HEPHL1: variants seen among roughly 807,000 people sequenced by gnomAD.
The protein encoded by HEPHL1 is hephaestin like 1, also known as ferroxidase HEPHL1.
A neutral mutation model predicts 122.0 loss-of-function variants in HEPHL1; 123 were observed. The observed-to-expected ratio is 1.01, with a 90% confidence interval of 0.87 to 1.17. The LOEUF is 1.17. HEPHL1 is among the 50% of genes most tolerant of loss of function. The pLI, the probability that HEPHL1 is intolerant of heterozygous loss-of-function variation, is 0.00. For synonymous variants in HEPHL1, 527 were observed against 508.9 expected, an observed-to-expected ratio of 1.04 and a Z score of -0.48; for missense variants, 1,452 against 1,430.5, an observed-to-expected ratio of 1.01 and a Z score of -0.24.
At chr11:94,037,429 C>CA (rs1945736396) in intron 1 of HEPHL1, among the ~76,000 whole-genome samples, 1 of 152,012 alleles carries the variant, frequency 6.6e-6, no homozygotes, top group Admixed American at 6.5e-5. Flanking sequence ...CACAGACAAA[C>CA]AAAAAGACAG....
intron 1 of HEPHL1, among the ~76,000 whole-genome samples, chr11:94,030,231 C>A (rs773544016): frequency 6.6e-6 from 1 of 152,198 alleles, no homozygotes; most frequent in Non-Finnish European, 1.5e-5. Flanking sequence ...GACCCATTGT[C>A]AGCTATAAAA....
At chr11:94,067,384 A>C in intron 4 of HEPHL1, 112 bp from the exon 5 acceptor site, 3 of 990,392 alleles carry the variant, frequency 3.0e-6, no homozygotes, top group Non-Finnish European at 4.6e-6. Flanking sequence ...AAACCTTACA[A>C]CCAATGGTCT....
chr11:94,093,971 G>GATATATATAT lies in HEPHL1; in HGVS notation c.2434+365_2434+374dup, dbSNP rs201036709. On this transcript the variant is annotated intron_variant, in intron 13 of 19. Transcript: ENST00000315765. Reference sequence around the variant, plus strand: ...AAATTTTCTTTTAAATCCTCCAGCAGATATATATATATATATATATATATA... The same window carrying GATATATATAT: ...AAATTTTCTTTTAAATCCTCCAGCAGATATATATATATATATATATATATATATATATATA... 6.3e-3 allele frequency among the ~76,000 whole-genome samples: 458 copies of GATATATATAT among 72,510 alleles called. 5 individuals are homozygous for GATATATATAT. The highest frequency in any genetic ancestry group is 9.8e-3 in the Middle Eastern group (1 of 102). The allele number at this position is 72,510 out of a possible 152,430, so 47.6% of individuals were successfully genotyped here.
chr11:94,101,071 A>T (rs1946363579), intron 13 of HEPHL1, 124 bp from the exon 14 acceptor site: 11 of 951,506 alleles, frequency 1.2e-5, no homozygotes, highest in Non-Finnish European at 1.6e-6. Flanking sequence ...AGAGTTATAT[A>T]TGCCTTTCTC....
intron 2 of HEPHL1, among the ~76,000 whole-genome samples, 174 bp downstream of exon 2, chr11:94,046,091 C>CTTTTT (rs755367459): frequency 0.042 from 2,741 of 64,784 alleles, 818 homozygotes; most frequent in African/African-American, 0.15. Flanking sequence ...CCCTTTCTTG[C>CTTTTT]TTTTTTTTTT....
chr11:94,070,921 G>T (rs1304956093), intron 6 of HEPHL1, among the ~76,000 whole-genome samples: 1 of 152,136 alleles, frequency 6.6e-6, no homozygotes, highest in African/African-American at 2.4e-5. Flanking sequence ...AGATGGAGAT[G>T]ACCTGGCCTA....
rs192076069 is a variant in HEPHL1 at position 94,046,807 on chromosome 11, T to A, written c.415+890T>A. 7.4e-3 allele frequency among the ~76,000 whole-genome samples: 1,119 copies of A among 152,242 alleles called. 9 individuals are homozygous for A. The highest frequency in any genetic ancestry group is 0.013 in the Non-Finnish European group (897 of 68,006). ...AGTATTTCTCCAACATCAAAAATAT[T>A]TTTTTTGAATCCTGTATTTCATTCT... On this transcript the variant is annotated intron_variant, in intron 2 of 19. Transcript: ENST00000315765.
intron 12 of HEPHL1, among the ~76,000 whole-genome samples, chr11:94,090,856 C>A (rs569244938): frequency 6.6e-6 from 1 of 152,284 alleles, no homozygotes; most frequent in East Asian, 1.9e-4. Context: ...AGCACAGGCC[C>A]TCTGCCCCAC....
chr11:94,064,267 G>T, intron 3 of HEPHL1, 64 bp from the exon 4 acceptor site: 1 of 1,293,274 alleles, frequency 7.7e-7, no homozygotes, highest in Non-Finnish European at 1.1e-6. Context: ...TGACACTATT[G>T]GAAGGAAGCA....
intron 1 of HEPHL1, among the ~76,000 whole-genome samples, chr11:94,025,923 T>C (rs966822380): frequency 6.6e-6 from 1 of 152,222 alleles, no homozygotes; most frequent in African/African-American, 2.4e-5. Flanking sequence ...ACTGCTGTTC[T>C]ACCCTATATC....
At chr11:94,070,330 G>T in intron 5 of HEPHL1, 44 bp from the exon 6 acceptor site, 1 of 1,534,510 alleles carries the variant, frequency 6.5e-7, no homozygotes, top group Non-Finnish European at 8.8e-7. Flanking sequence ...GATTCCTTTT[G>T]TGATCATTTA....
chr11:94,055,046 C>G (rs1464773045), intron 2 of HEPHL1: 2 of 160,566 alleles, frequency 1.2e-5, no homozygotes, highest in Non-Finnish European at 2.7e-5. Context: ...TGGAGGGGCA[C>G]AGACTGCTCT....
intron 2 of HEPHL1, among the ~76,000 whole-genome samples, chr11:94,053,003 C>G (rs1945904297): frequency 6.6e-6 from 1 of 151,908 alleles, no homozygotes; most frequent in South Asian, 2.1e-4. Context: ...ATTGGAAAGT[C>G]TCCACTCTTC....
At chr11:94,071,481 A>C (rs113912726) in intron 6 of HEPHL1, among the ~76,000 whole-genome samples, 99 of 152,248 alleles carry the variant, frequency 6.5e-4, no homozygotes, top group African/African-American at 2.3e-3. Flanking sequence ...CTCCATAAAC[A>C]GAATAATGAG....
chr11:94,110,839 T>C (rs948930276), intron 17 of HEPHL1, 64 bp from the exon 18 acceptor site: 99 of 1,358,692 alleles, frequency 7.3e-5, no homozygotes, highest in Non-Finnish European at 9.5e-5. Context: ...TTGCTCTTCT[T>C]TCTGTTCTTG....
At chr11:94,087,214 C>G (rs556189680) in intron 11 of HEPHL1, among the ~76,000 whole-genome samples, 1 of 151,690 alleles carries the variant, frequency 6.6e-6, no homozygotes, top group Non-Finnish European at 1.5e-5. Flanking sequence ...TTTTTTAATA[C>G]GCTCTTCAAG....
At chr11:94,029,485 A>G (rs1419916488) in intron 1 of HEPHL1, among the ~76,000 whole-genome samples, 6 of 152,250 alleles carry the variant, frequency 3.9e-5, no homozygotes, top group Non-Finnish European at 7.3e-5. Context: ...CGCAAGCCCT[A>G]AAAAGCTCTA....
chr11:94,088,936 C>T lies in HEPHL1; in HGVS notation c.2262C>T (p.Phe754=), dbSNP rs116956001. The T allele has an allele frequency of 8.3e-3, 13,342 of 1,613,878 alleles. 71 individuals carry two copies. The highest frequency in any genetic ancestry group is 9.8e-3 in the Non-Finnish European group (11,543 of 1,179,864). The change falls in exon 12 of 20, where the codon TTC becomes TTT. Residue 754 remains phenylalanine (F), a synonymous_variant. Coordinates refer to ENST00000315765, the MANE Select transcript of HEPHL1 (RefSeq NM_001098672.2). ...WDYAPNKNWE[F]EKQHVDARGE... is the part of the protein sequence containing the mutation. ...ATGCCCCTAACAAAAACTGGGAGTT[C>T]GAAAAGCAGCACGTGGACGCAAGAG... is the stretch of plus-strand genomic sequence containing the variant.
chr11:94,109,755 T>A (rs899934063), intron 17 of HEPHL1, among the ~76,000 whole-genome samples: 1 of 152,218 alleles, frequency 6.6e-6, no homozygotes, highest in Non-Finnish European at 1.5e-5. Flanking sequence ...TTATGGATGA[T>A]GGTATCTATG....
Sources: allele counts gnomAD v4.1 joint callset (sites outside exome capture counted in the v4.1 genomes callset), GRCh38; gene constraint gnomAD v4.1.1; transcripts MANE v1.5; gene names NCBI Gene and HGNC (gene_info 2026-07-23, HGNC 2026-07-21).